HDAC4: variants seen among roughly 807,000 people sequenced by gnomAD.
The protein encoded by HDAC4 is histone deacetylase A.
In HDAC4, 16 loss-of-function variants were observed where a neutral mutation model predicts 135.1. The observed-to-expected ratio is 0.12, with a 90% CI of 0.08 to 0.18. The LOEUF (loss-of-function observed/expected upper bound fraction) is 0.18, where lower values mean the gene tolerates loss of function less well. HDAC4 is among the 10% of genes least tolerant of loss of function. The pLI is 1.00. For synonymous variants in HDAC4, 685 were observed against 653.4 expected (o/e 1.05, Z -0.74); for missense variants, 1,143 against 1,511.8 (o/e 0.76, Z 4.05).
intron 2 of HDAC4, among the ~76,000 whole-genome samples, chr2:239,330,378 T>C (rs1454579892): frequency 6.6e-6 from 1 of 152,226 alleles, no homozygotes; most frequent in Non-Finnish European, 1.5e-5. Context: ...TCCAAAGGCC[T>C]GAGCAAGGGC....
intron 2 of HDAC4, among the ~76,000 whole-genome samples, chr2:239,311,596 G>A (rs1210462817): frequency 6.6e-6 from 1 of 152,174 alleles, no homozygotes; most frequent in African/African-American, 2.4e-5. Context: ...TCATGGGTGA[G>A]GGGGAGAGGG....
At chr2:239,092,878 T>TTC (rs536855724) in intron 17 of HDAC4, among the ~76,000 whole-genome samples, 2 of 151,948 alleles carry the variant, frequency 1.3e-5, no homozygotes, top group Non-Finnish European at 2.9e-5. Flanking sequence ...TTTCCTTTCT[T>TTC]TCTCTCTCTC....
intron 11 of HDAC4, among the ~76,000 whole-genome samples, chr2:239,132,890 A>T (rs1253117714): frequency 6.6e-6 from 1 of 152,186 alleles, no homozygotes; most frequent in Non-Finnish European, 1.5e-5. Context: ...TTCACTACCC[A>T]CACTCGTGCC....
chr2:239,397,030 C>T (rs372250445), intron 1 of HDAC4, among the ~76,000 whole-genome samples: 2 of 152,230 alleles, frequency 1.3e-5, no homozygotes, highest in African/African-American at 4.8e-5. Context: ...GAAGTACTGC[C>T]CAGACCTATG....
intron 1 of HDAC4, among the ~76,000 whole-genome samples, chr2:239,358,087 G>A (rs745367488): frequency 4.6e-5 from 7 of 152,200 alleles, no homozygotes; most frequent in African/African-American, 4.8e-5. Context: ...ACACGTCTTC[G>A]TGGGCCTGAA....
At chr2:239,255,295 C>CTGTGTG (rs60768204) in intron 2 of HDAC4, among the ~76,000 whole-genome samples, 2,775 of 149,690 alleles carry the variant, frequency 0.019, 29 homozygotes, top group Middle Eastern at 0.045. Context: ...TGTTTTCTCA[C>CTGTGTG]TGTGTGTGTG....
At chr2:239,324,233 A>C (rs367668831) in intron 2 of HDAC4, among the ~76,000 whole-genome samples, 75 of 152,340 alleles carry the variant, frequency 4.9e-4, no homozygotes, top group East Asian at 4.8e-3. Flanking sequence ...GCAAAGGCAA[A>C]AATGTAGCCA....
At chr2:239,225,644 C>T (rs981258295) in intron 3 of HDAC4, among the ~76,000 whole-genome samples, 1 of 152,198 alleles carries the variant, frequency 6.6e-6, no homozygotes, top group Admixed American at 6.5e-5. Flanking sequence ...GGAAGGCCCA[C>T]GCAGGGCTGG....
intron 15 of HDAC4, among the ~76,000 whole-genome samples, chr2:239,103,411 G>C (rs2037838053): frequency 6.6e-6 from 1 of 152,208 alleles, no homozygotes. Context: ...TCTGAGGTTT[G>C]GAAATTCTTC....
rs566139810 is a variant in HDAC4 at position 239,208,875 on chromosome 2, T to C, written c.95-18798A>G. On this transcript the variant is annotated intron_variant, in intron 3 of 26. Coordinates refer to ENST00000543185, the MANE Select transcript of HDAC4 (RefSeq NM_001378414.1). Reference sequence around the variant, plus strand: ...CTTTATGGATAAAAATTATAAAATATATTGAAAGACTTTTTTTCTTTGTTT... The same window carrying C: ...CTTTATGGATAAAAATTATAAAATACATTGAAAGACTTTTTTTCTTTGTTT... Among the ~76,000 whole-genome samples the C allele has an allele frequency of 4.6e-5, 7 of 151,986 alleles. No homozygotes were observed. In the South Asian group the frequency reaches 1.0e-3, roughly 23 times the overall value.
intron 19 of HDAC4, among the ~76,000 whole-genome samples, chr2:239,087,112 C>T (rs1346805648): frequency 6.6e-6 from 1 of 152,190 alleles, no homozygotes; most frequent in Admixed American, 6.5e-5. Flanking sequence ...GAAACAGCAT[C>T]AGGATAGCTG....
Position 239,309,835 on chromosome 2 carries a change from C to T in HDAC4, c.22+42843G>A, listed in dbSNP as rs1295426141. Reference sequence around the variant, plus strand: ...CCACACACTCAGACCATGGATGTGGCCGTGCCAGCAGGGAGGCCAGCAGCC... The same window carrying T: ...CCACACACTCAGACCATGGATGTGGTCGTGCCAGCAGGGAGGCCAGCAGCC... On this transcript the variant is annotated intron_variant, in intron 2 of 26. Transcript: ENST00000543185. The surrounding 1 kb of genome is among the most constrained non-coding windows in gnomAD (Gnocchi z 4.2). Among the ~76,000 whole-genome samples, 2 of 152,204 alleles carry T rather than the reference C, an allele frequency of 1.3e-5. No individual in the cohort carries two copies. Among genetic ancestry groups the T allele is most frequent in the East Asian group, 3.9e-4 (2 of 5,184 alleles).
At chr2:239,151,710 G>A (rs929664132) in intron 7 of HDAC4, among the ~76,000 whole-genome samples, 2 of 152,238 alleles carry the variant, frequency 1.3e-5, no homozygotes, top group Non-Finnish European at 2.9e-5. Flanking sequence ...AGGCAGGCTA[G>A]AGAATGCCGG....
At chr2:239,184,019 GACAC>G (rs147289954) in intron 4 of HDAC4, among the ~76,000 whole-genome samples, 5 of 123,970 alleles carry the variant, frequency 4.0e-5, no homozygotes, top group Non-Finnish European at 6.3e-5. Context: ...AAGTCACATG[GACAC>G]ACACACACAC....
In HDAC4 at chr2:239,111,609, A is replaced by G; in HGVS notation, c.1895T>C (p.Leu632Pro). Reference sequence around the variant, plus strand: ...CGCGGGTGAGGACTGCGCCCGGGACAGAGGCCTGTGGCCGCCGAAGGACAC... The same window carrying G: ...CGCGGGTGAGGACTGCGCCCGGGACGGAGGCCTGTGGCCGCCGAAGGACAC... Reference protein sequence around the residue: ...IPVSFGGHRPLSRAQSSPASA... With the variant: ...IPVSFGGHRPPSRAQSSPASA... Residue 632 changes from leucine to proline, a missense_variant, in exon 14 of 27, where the codon CTG becomes CCG. This residue lies in a region of HDAC4 where 196 missense variants were observed against 210.7 expected (regional missense o/e 0.93). Coordinates refer to ENST00000543185, the MANE Select transcript of HDAC4 (RefSeq NM_001378414.1). 6.2e-7 allele frequency: 1 copy of G among 1,611,262 alleles called. No individual in the cohort carries two copies. The highest frequency in any genetic ancestry group is 8.5e-7 in the Non-Finnish European group (1 of 1,179,298).
chr2:239,094,550 C>T (rs1327717665), intron 17 of HDAC4: 1 of 1,072,158 alleles, frequency 9.3e-7, no homozygotes, highest in African/African-American at 1.7e-5. Context: ...CAGCACAGCC[C>T]AGCGAGTAGC....
chr2:239,074,266 A>G (rs187314971), intron 22 of HDAC4, among the ~76,000 whole-genome samples: 2 of 152,364 alleles, frequency 1.3e-5, no homozygotes, highest in Admixed American at 1.3e-4. Flanking sequence ...ACCTTTTTCA[A>G]TGAGAACCAC....
chr2:239,059,403 C>T (rs192933508), intron 24 of HDAC4, among the ~76,000 whole-genome samples: 112 of 152,162 alleles, frequency 7.4e-4, no homozygotes, highest in African/African-American at 2.5e-3. Flanking sequence ...TGACAGGCTC[C>T]GGCAGGACTG....
In HDAC4 at chr2:239,370,507, C is replaced by T. The variant is rs1056182538; in HGVS notation, c.-219-17589G>A. Among the ~76,000 whole-genome samples, 12 of 152,234 alleles carry T rather than the reference C, an allele frequency of 7.9e-5. 1 individual carries two copies. Among genetic ancestry groups the T allele is most frequent in the African/African-American group, 2.2e-4 (9 of 41,464 alleles). On this transcript the variant is annotated intron_variant, in intron 1 of 26. Coordinates refer to ENST00000543185, the MANE Select transcript of HDAC4 (RefSeq NM_001378414.1). ...CACGGGCACTCTGGACTCCCTGCAG[C>T]GCCCCCCTGAATCCAGGCCTCCCTG...
Sources: allele counts gnomAD v4.1 joint callset (sites outside exome capture counted in the v4.1 genomes callset), GRCh38; gene constraint gnomAD v4.1.1; regional missense constraint gnomAD v4.1.1; non-coding constraint Gnocchi (gnomAD v3.1); transcripts MANE v1.5; gene names NCBI Gene and HGNC (gene_info 2026-07-23, HGNC 2026-07-21).